Variants in GPC5 observed in about 807,000 individuals in gnomAD.
GPC5 encodes glypican-5.
GPC5 carries 47 observed loss-of-function variants against 53.9 expected under a neutral mutation model. The observed-to-expected ratio is 0.87, with a 90% CI of 0.69 to 1.11. The LOEUF (loss-of-function observed/expected upper bound fraction) is 1.11, where lower values mean the gene tolerates loss of function less well. GPC5 is among the 50% of genes most tolerant of loss of function. The pLI is 0.00. For synonymous variants in GPC5, 286 were observed against 263.3 expected (o/e 1.09, Z -0.84); for missense variants, 748 against 713.1 (o/e 1.05, Z -0.56).
chr13:92,527,607 A>G (rs909811900), intron 7 of GPC5, among the ~76,000 whole-genome samples: 14 of 152,056 alleles, frequency 9.2e-5, no homozygotes, highest in African/African-American at 3.4e-4. Context: ...GGAGGTGGAG[A>G]TGGTTATTAC....
intron 7 of GPC5, among the ~76,000 whole-genome samples, chr13:92,430,267 T>C (rs1314041860): frequency 6.6e-6 from 1 of 152,142 alleles, no homozygotes; most frequent in Admixed American, 6.6e-5. Flanking sequence ...GAAATGTATA[T>C]GTGCTAAAGT....
chr13:91,970,677 G>C lies in GPC5; in HGVS notation c.1401+62620G>C, dbSNP rs367737650. Reference sequence around the variant, plus strand: ...TTTATTGAGAGTTTTTAGCATGAAGGGTTGTTGAATTTTGTCAAAGGCCTT... The same window carrying C: ...TTTATTGAGAGTTTTTAGCATGAAGCGTTGTTGAATTTTGTCAAAGGCCTT... On this transcript the variant is annotated intron_variant, in intron 6 of 7. Coordinates refer to ENST00000377067, the MANE Select transcript of GPC5 (RefSeq NM_004466.6). Among the ~76,000 whole-genome samples the C allele has an allele frequency of 3.9e-4, 56 of 145,242 alleles. 1 individual carries two copies. The East Asian group carries it at 8.7e-3, about 23-fold the overall frequency.
intron 2 of GPC5, among the ~76,000 whole-genome samples, chr13:91,457,382 AGAC>A (rs372362848): frequency 3.9e-5 from 6 of 152,134 alleles, no homozygotes; most frequent in African/African-American, 1.4e-4. Context: ...AAAATATCTA[AGAC>A]GTTATTTTAA....
intron 6 of GPC5, among the ~76,000 whole-genome samples, chr13:92,128,651 G>T (rs553926463): frequency 1.3e-5 from 2 of 152,112 alleles, no homozygotes; most frequent in African/African-American, 2.4e-5. Context: ...TGGACCAATT[G>T]CAGGCATGCT....
intron 7 of GPC5, among the ~76,000 whole-genome samples, chr13:92,619,152 A>G (rs1158087536): frequency 1.3e-5 from 2 of 151,976 alleles, no homozygotes; most frequent in South Asian, 2.1e-4. Flanking sequence ...TTACCATATC[A>G]ATAAACACAT....
At chr13:91,598,669 A>C (rs2033077911) in intron 2 of GPC5, among the ~76,000 whole-genome samples, 1 of 152,076 alleles carries the variant, frequency 6.6e-6, no homozygotes, top group Non-Finnish European at 1.5e-5. Context: ...TACTTTTAGA[A>C]AAATAAATAT....
chr13:92,410,164 G>C (rs1594177937), intron 7 of GPC5, among the ~76,000 whole-genome samples: 1 of 152,108 alleles, frequency 6.6e-6, no homozygotes, highest in South Asian at 2.1e-4. Context: ...GTGGATAAAA[G>C]GTACAGAGAA....
At chr13:92,422,201 A>G (rs2139363511) in intron 7 of GPC5, among the ~76,000 whole-genome samples, 1 of 152,092 alleles carries the variant, frequency 6.6e-6, no homozygotes, top group Middle Eastern at 3.4e-3. Context: ...GAAGTTTCTG[A>G]AACTGAAGAG....
At chr13:91,553,306 G>A (rs114819642) in intron 2 of GPC5, among the ~76,000 whole-genome samples, 1,052 of 99,810 alleles carry the variant, frequency 0.011, 10 homozygotes, top group African/African-American at 0.045. Context: ...AATGGAGACC[G>A]GTTTATGCTT....
intron 7 of GPC5, among the ~76,000 whole-genome samples, chr13:92,312,691 T>A (rs1482138621): frequency 6.6e-6 from 1 of 152,176 alleles, no homozygotes; most frequent in African/African-American, 2.4e-5. Context: ...GGCATGGACA[T>A]AGTGATCTTC....
At chr13:92,089,036 TAAC>T (rs1221091777) in intron 6 of GPC5, among the ~76,000 whole-genome samples, 1 of 152,168 alleles carries the variant, frequency 6.6e-6, no homozygotes, top group East Asian at 1.9e-4. Flanking sequence ...GCCAAGACAT[TAAC>T]ATTTATAGAG....
At chr13:92,486,031 T>A (rs1417914328) in intron 7 of GPC5, among the ~76,000 whole-genome samples, 1 of 152,198 alleles carries the variant, frequency 6.6e-6, no homozygotes, top group East Asian at 1.9e-4. Context: ...CAGCTATGGA[T>A]CGTTCAGGCT....
chr13:92,008,567 G>T (rs1256178146), intron 6 of GPC5, among the ~76,000 whole-genome samples: 1 of 151,782 alleles, frequency 6.6e-6, no homozygotes, highest in East Asian at 1.9e-4. Context: ...AAATAATTTT[G>T]GAATAAAGTT....
In GPC5 at chr13:91,459,391, G is replaced by A. The variant is rs370925972; in HGVS notation, c.325+10469G>A. On this transcript the variant is annotated intron_variant, in intron 2 of 7. Transcript: ENST00000377067. ...GAAAAGAGGCACCGTGGTGACTTGGGTGTTTGCAGTGGAGGTGGCAAGATG... is the reference window on the plus strand; with the variant it reads ...GAAAAGAGGCACCGTGGTGACTTGGATGTTTGCAGTGGAGGTGGCAAGATG... 2.2e-4 allele frequency among the ~76,000 whole-genome samples: 34 copies of A among 152,172 alleles called. 1 individual carries two copies. The South Asian group carries it at 6.7e-3, about 30-fold the overall frequency.
intron 6 of GPC5, among the ~76,000 whole-genome samples, chr13:92,133,209 T>C (rs1389301952): frequency 2.6e-5 from 4 of 152,176 alleles, no homozygotes; most frequent in Non-Finnish European, 5.9e-5. Context: ...ATTTGGCATA[T>C]CTTTGTCTAC....
At chr13:91,940,318 A>G (rs756029563) in intron 6 of GPC5, among the ~76,000 whole-genome samples, 1 of 152,150 alleles carries the variant, frequency 6.6e-6, no homozygotes, top group Non-Finnish European at 1.5e-5. Flanking sequence ...TGCAAAGGAC[A>G]TGATTTCATC....
chr13:92,451,639 G>A (rs1392617917), intron 7 of GPC5, among the ~76,000 whole-genome samples: 1 of 152,124 alleles, frequency 6.6e-6, no homozygotes, highest in African/African-American at 2.4e-5. Flanking sequence ...CTAGACATTA[G>A]AAAATGTGTA....
intron 7 of GPC5, among the ~76,000 whole-genome samples, chr13:92,336,079 A>G (rs2043321115): frequency 6.6e-6 from 1 of 152,136 alleles, no homozygotes; most frequent in African/African-American, 2.4e-5. Context: ...ACACTGAAAA[A>G]TGTTCATTGG....
chr13:92,157,623 AG>A (rs2041954619), intron 7 of GPC5, among the ~76,000 whole-genome samples: 1 of 152,200 alleles, frequency 6.6e-6, no homozygotes, highest in African/African-American at 2.4e-5. Context: ...ATTAAGAAAA[AG>A]AAGTTAGGGG....
Sources: allele counts gnomAD v4.1 joint callset (sites outside exome capture counted in the v4.1 genomes callset), GRCh38; gene constraint gnomAD v4.1.1; transcripts MANE v1.5; gene names NCBI Gene and HGNC (gene_info 2026-07-23, HGNC 2026-07-21).